SSU72: variants seen among roughly 807,000 people sequenced by gnomAD.
The protein encoded by SSU72 is SSU72 homolog, RNA polymerase II CTD phosphatase, also known as RNA polymerase II subunit A C-terminal domain phosphatase SSU72.
SSU72 carries 12 observed loss-of-function variants against 22.7 expected under a neutral mutation model. The ratio of observed to expected loss-of-function variants is 0.53; its 90% confidence interval spans 0.34 to 0.86. The LOEUF is 0.86. Ranked by LOEUF, SSU72 falls within the 40% of genes least tolerant of loss-of-function variation. The pLI, the probability that SSU72 is intolerant of heterozygous loss-of-function variation, is 0.02. For synonymous variants in SSU72, 116 were observed against 98.3 expected, an observed-to-expected ratio of 1.18 and a Z score of -1.06; for missense variants, 151 against 249.8, an observed-to-expected ratio of 0.60 and a Z score of 2.67.
chr1:1,564,872 A>C lies in SSU72; in HGVS notation c.125T>G (p.Val42Gly). 6.2e-7 allele frequency: 1 copy of C among 1,613,942 alleles called. No homozygotes were observed. Among genetic ancestry groups the C allele is most frequent in the Non-Finnish European group, 8.5e-7 (1 of 1,179,940 alleles). The change falls in exon 2 of 5, where the codon GTG becomes GGG. Residue 42 changes from valine to glycine, a missense_variant. By Grantham distance (109) the Val-to-Gly change is moderately radical (BLOSUM62 -3). Transcript: ENST00000291386. The part of the protein sequence containing the change: ...SVRSFGTGTH[V>G]KLPGPAPDKP... ...GTCGGGAGCTGGTCCTGGAAGCTTC[A>C]CGTGAGTCCCTGTTCCAAAGGATCG...
Position 1,559,057 on chromosome 1 carries a change from C to T in SSU72, c.224+5716G>A, listed in dbSNP as rs942165362. 7.2e-5 allele frequency among the ~76,000 whole-genome samples: 11 copies of T among 152,358 alleles called. No individual in the cohort carries two copies. The Middle Eastern group carries it at 0.01, about 141-fold the overall frequency. ...AGCCTCTGCACGTGACCCTGGGAGC[C>T]AGGCTCAAGCCCCTCGGCAGGACAC... is the stretch of plus-strand genomic sequence containing the variant. On this transcript the variant is annotated intron_variant, in intron 2 of 4. Coordinates refer to ENST00000291386, the MANE Select transcript of SSU72 (RefSeq NM_014188.3).
At chr1:1,564,019 T>C (rs1251010408) in intron 2 of SSU72, 1 of 153,410 alleles carries the variant, frequency 6.5e-6, no homozygotes, top group Non-Finnish European at 1.4e-5. Context: ...CTCTTTTCAT[T>C]TGGAATACGT....
At chr1:1,565,872 C>T (rs1054329970) in intron 1 of SSU72, among the ~76,000 whole-genome samples, 1 of 152,210 alleles carries the variant, frequency 6.6e-6, no homozygotes, top group African/African-American at 2.4e-5. Context: ...AGGTCGTCTC[C>T]AAACACTGAT....
In SSU72 at chr1:1,564,923, GAC is replaced by G; in HGVS notation, c.81-9_81-8del. Reference sequence around the variant, plus strand: ...GACGCTGAATCCCCGTTTGCTGAAAGACAAAAGGAGAGAAAGAATCACAGTCA... The same window carrying G: ...GACGCTGAATCCCCGTTTGCTGAAAGAAAAGGAGAGAAAGAATCACAGTCA... On this transcript the variant is annotated splice_region_variant and splice_polypyrimidine_tract_variant and intron_variant, in intron 1 of 4. Coordinates refer to ENST00000291386, the MANE Select transcript of SSU72 (RefSeq NM_014188.3). 6.3e-7 allele frequency: 1 copy of G among 1,584,166 alleles called. No individual in the cohort carries two copies. Among genetic ancestry groups the G allele is most frequent in the South Asian group, 1.2e-5 (1 of 86,372 alleles).
intron 2 of SSU72, among the ~76,000 whole-genome samples, chr1:1,548,498 G>A (rs115674913): frequency 0.022 from 3,351 of 150,636 alleles, 128 homozygotes; most frequent in African/African-American, 0.077. Flanking sequence ...AGGCTGCACT[G>A]AGCTGAGATC....
intron 2 of SSU72, among the ~76,000 whole-genome samples, chr1:1,547,439 C>A (rs931111906): frequency 6.6e-6 from 1 of 152,256 alleles, no homozygotes; most frequent in East Asian, 1.9e-4. Flanking sequence ...CTCAGCTACA[C>A]AAGGATGAGC....
At chr1:1,546,415 G>T (rs1642389387) in intron 2 of SSU72, 1 of 152,170 alleles carries the variant, frequency 6.6e-6, no homozygotes, top group African/African-American at 2.4e-5. Context: ...CTGTGTCCCC[G>T]AGGCCCCTGG....
At chr1:1,565,701 C>A (rs1395121018) in intron 1 of SSU72, among the ~76,000 whole-genome samples, 6 of 152,294 alleles carry the variant, frequency 3.9e-5, no homozygotes, top group African/African-American at 1.4e-4. Flanking sequence ...AGGCAGAGAA[C>A]AGATGCCGCG....
intron 2 of SSU72, among the ~76,000 whole-genome samples, chr1:1,559,290 G>A (rs1230537095): frequency 6.6e-6 from 1 of 152,310 alleles, no homozygotes; most frequent in African/African-American, 2.4e-5. Context: ...CTGTAGCACG[G>A]GAAGCTGCTA....
At chr1:1,557,754 C>T (rs1018375731) in intron 2 of SSU72, among the ~76,000 whole-genome samples, 6 of 151,944 alleles carry the variant, frequency 3.9e-5, no homozygotes, top group Admixed American at 6.6e-5. Context: ...GCCGAGATCA[C>T]GCCATTGCAC....
chr1:1,568,690 G>A (rs771446987), intron 1 of SSU72, among the ~76,000 whole-genome samples: 12 of 150,212 alleles, frequency 8.0e-5, no homozygotes, highest in African/African-American at 1.7e-4. Flanking sequence ...TTTGGGAGGC[G>A]GAGGAGGACG....
At chr1:1,571,282 A>T (rs931739090) in intron 1 of SSU72, among the ~76,000 whole-genome samples, 1 of 121,460 alleles carries the variant, frequency 8.2e-6, no homozygotes, top group Non-Finnish European at 1.6e-5. Flanking sequence ...AAAAAAAAAA[A>T]GTTAGCTGGG....
At chr1:1,560,091 T>C (rs1392268886) in intron 2 of SSU72, among the ~76,000 whole-genome samples, 1 of 152,180 alleles carries the variant, frequency 6.6e-6, no homozygotes, top group African/African-American at 2.4e-5. Flanking sequence ...TCAACTCGGG[T>C]GATCCACCTG....
intron 1 of SSU72, among the ~76,000 whole-genome samples, chr1:1,568,930 G>A (rs984035655): frequency 6.6e-6 from 1 of 152,098 alleles, no homozygotes; most frequent in African/African-American, 2.4e-5. Context: ...CCAGCACTTT[G>A]GGAAGCCAAG....
At chr1:1,566,432 A>G (rs1167079020) in intron 1 of SSU72, among the ~76,000 whole-genome samples, 1 of 152,260 alleles carries the variant, frequency 6.6e-6, no homozygotes, top group Admixed American at 6.5e-5. Context: ...CGCAGGGCGC[A>G]CATACACTTC....
At chr1:1,557,592 T>C (rs1205959639) in intron 2 of SSU72, among the ~76,000 whole-genome samples, 4 of 152,106 alleles carry the variant, frequency 2.6e-5, no homozygotes, top group Non-Finnish European at 5.9e-5. Context: ...TCAGGTGTTT[T>C]GAGACATGTC....
chr1:1,544,625 A>G (rs1642369298), intron 3 of SSU72: 2 of 579,670 alleles, frequency 3.5e-6, no homozygotes, highest in Non-Finnish European at 6.2e-6. Flanking sequence ...TCAAAAAACA[A>G]AACAAAAAAA....
chr1:1,573,797 C>T (rs1287517536), intron 1 of SSU72, among the ~76,000 whole-genome samples: 1 of 152,042 alleles, frequency 6.6e-6, no homozygotes, highest in Non-Finnish European at 1.5e-5. Flanking sequence ...TGACACATAC[C>T]AAATTTTAAC....
rs751665951 is a variant in SSU72, at chr1:1,574,564, G to GGCC, written c.-10_-8dup. The GGCC allele has an allele frequency of 6.9e-6, 11 of 1,583,722 alleles. No individual in the cohort carries two copies. The highest frequency in any genetic ancestry group is 8.6e-6 in the Non-Finnish European group (10 of 1,168,154). ...GCAGCGGGGACGACGGCATGGCGGC[G>GGCC]GCCGCAAATCCCGCGGCTCTCCCGC... On this transcript the variant is annotated 5_prime_UTR_variant, in exon 1 of 5. Transcript: ENST00000291386.
Sources: allele counts gnomAD v4.1 joint callset (sites outside exome capture counted in the v4.1 genomes callset), GRCh38; gene constraint gnomAD v4.1.1; transcripts MANE v1.5; gene names NCBI Gene and HGNC (gene_info 2026-07-23, HGNC 2026-07-21).